The following MORN1 variants were observed in gnomAD, a reference collection of about 807,000 sequenced individuals.
MORN1 encodes MORN repeat containing 1.
A neutral mutation model predicts 61.9 loss-of-function variants in MORN1; 67 were observed. The ratio of observed to expected loss-of-function variants is 1.08; its 90% CI spans 0.89 to 1.33. MORN1 has a LOEUF of 1.33. MORN1 is among the 40% of genes most tolerant of loss of function. The pLI, the probability that MORN1 is intolerant of heterozygous loss-of-function variation, is 0.00. For missense variants in MORN1, 752 were observed against 691.2 expected, an observed-to-expected ratio of 1.09 and a Z score of -0.99; for synonymous variants, 301 against 292.0, an observed-to-expected ratio of 1.03 and a Z score of -0.31.
At chr1:2,354,985 T>G (rs1429239674) in intron 10 of MORN1, among the ~76,000 whole-genome samples, 3 of 152,172 alleles carry the variant, frequency 2.0e-5, no homozygotes, top group Non-Finnish European at 4.4e-5. Flanking sequence ...GACACTCACA[T>G]CATCGTCAAG....
intron 10 of MORN1, among the ~76,000 whole-genome samples, chr1:2,348,896 T>G (rs2100284989): frequency 6.8e-6 from 1 of 147,538 alleles, no homozygotes; most frequent in East Asian, 2.0e-4. Context: ...TACGCAGACA[T>G]GCACACAAAC....
In MORN1 at chr1:2,358,593, A is replaced by G. The variant is rs562553133; in HGVS notation, c.868T>C (p.Phe290Leu). The G allele has an allele frequency of 1.1e-5, 18 of 1,614,086 alleles. No homozygotes were observed. In the African/African-American group the frequency reaches 1.2e-4, roughly 11 times the overall value. Residue 290 changes from phenylalanine to leucine, a missense_variant and splice_region_variant, in exon 9 of 14, where the codon TTT becomes CTT. Transcript: ENST00000378531. ...DNQETLIQTP[F>L]GFECIPYPVS... ...CTCATTGGTGTCACACGTACTCACA[A>G]TGGGGTCTGGATGAGTGTCTCTTGG... is the stretch of plus-strand genomic sequence containing the variant.
rs1049922387 is a variant in MORN1, at chr1:2,387,415, A to G, written c.358+4T>C. On this transcript the variant is annotated splice_donor_region_variant and intron_variant, in intron 4 of 13. Transcript: ENST00000378531. ...ACAGCACCCGGCTCCTGTGGGCGCC[A>G]GACCTTCCCGCATGCCGTGGGAGAC... The G allele has an allele frequency of 1.9e-6, 3 of 1,610,724 alleles. No individual in the cohort carries two copies. The highest frequency in any genetic ancestry group is 2.5e-6 in the Non-Finnish European group (3 of 1,178,132).
At chr1:2,329,151 G>A (rs1641095511) in intron 12 of MORN1, among the ~76,000 whole-genome samples, 1 of 152,152 alleles carries the variant, frequency 6.6e-6, no homozygotes, top group Admixed American at 6.5e-5. Context: ...CCTTGCCGGT[G>A]TGGGTGTGCG....
intron 10 of MORN1, among the ~76,000 whole-genome samples, chr1:2,342,768 C>A (rs1164473608): frequency 6.6e-6 from 1 of 152,116 alleles, no homozygotes; most frequent in Non-Finnish European, 1.5e-5. Context: ...CCAGCATGGG[C>A]CCTAGCACTG....
chr1:2,348,653 A>ACACACGCACCTGCGCAGGCACG (rs1641570631), intron 10 of MORN1, among the ~76,000 whole-genome samples: 1 of 151,244 alleles, frequency 6.6e-6, no homozygotes, highest in Non-Finnish European at 1.5e-5. Context: ...GCAGGCACGC[A>ACACACGCACCTGCGCAGGCACG]CACACGCACG....
chr1:2,321,374 C>A lies in MORN1; in HGVS notation c.*9G>T. The A allele has an allele frequency of 2.0e-6, 3 of 1,502,258 alleles. No homozygotes were observed. Among genetic ancestry groups the A allele is most frequent in the South Asian group, 2.5e-5 (2 of 78,636 alleles). The allele number at this position is 1,502,258 out of a possible 1,614,324, so 93.1% of individuals were successfully genotyped here. A position where few individuals can be genotyped will look rare whatever the true frequency, so the allele number is the denominator to read the frequency against. On this transcript the variant is annotated 3_prime_UTR_variant, in exon 14 of 14. Transcript: ENST00000378531. ...TCACACCGAGGTGGCCTCCTGTGGA[C>A]ACGGGGCCTCACCGAGGCGCTGGCG...
chr1:2,342,867 ATTT>A, intron 10 of MORN1, among the ~76,000 whole-genome samples: 1 of 101,114 alleles, frequency 9.9e-6, no homozygotes, highest in African/African-American at 3.5e-5. Context: ...ATTTTATTTT[ATTT>A]ATTTTATTTT....
At chr1:2,335,327 G>A (rs114580369) in intron 12 of MORN1, among the ~76,000 whole-genome samples, 2,220 of 152,290 alleles carry the variant, frequency 0.015, 52 homozygotes, top group African/African-American at 0.051. Context: ...CACCCCCGGC[G>A]GAAGCAGGAG....
At chr1:2,388,622 T>G (rs1642562752) in intron 2 of MORN1, 2 of 356,242 alleles carry the variant, frequency 5.6e-6, no homozygotes, top group Admixed American at 8.7e-5. Flanking sequence ...TACACAAAAT[T>G]TTAAAAATTA....
At position 2,337,441 on chromosome 1, in the gene MORN1, T is replaced by C. The variant is rs1312004705; in HGVS notation, c.1037-591A>G. Among the ~76,000 whole-genome samples the C allele has an allele frequency of 6.6e-6, 1 of 152,032 alleles. No individual in the cohort carries two copies. Among genetic ancestry groups the C allele is most frequent in the Non-Finnish European group, 1.5e-5 (1 of 67,962 alleles). On this transcript the variant is annotated intron_variant, in intron 10 of 13. Coordinates refer to ENST00000378531, the MANE Select transcript of MORN1 (RefSeq NM_024848.3). This position sits in a 1 kb window ranked among gnomAD's most constrained non-coding sequence, Gnocchi z 5.7. ...TGGGCGGGCTCAGCCTGTGCATCCC[T>C]CAGTGGGACCCCTGCAGGCCCTTGC...
intron 6 of MORN1, chr1:2,376,130 G>A (rs12030560): frequency 0.047 from 7,174 of 152,764 alleles, 274 homozygotes; most frequent in South Asian, 0.15. Context: ...GTTGGAGGCC[G>A]TGGGCACCCT....
chr1:2,354,713 G>A (rs947654623), intron 10 of MORN1, among the ~76,000 whole-genome samples: 28 of 152,192 alleles, frequency 1.8e-4, no homozygotes, highest in African/African-American at 6.3e-4. Flanking sequence ...TCAGTCATCC[G>A]TCCTTGGGGT....
rs2843147 is a variant in MORN1 at position 2,334,442 on chromosome 1, C to T, written c.1250+2027G>A. Among the ~76,000 whole-genome samples, 16,282 of 152,192 alleles carry T rather than the reference C, an allele frequency of 0.11. 1,040 individuals are homozygous for T. The highest frequency in any genetic ancestry group is 0.19 in the Middle Eastern group (56 of 294). On this transcript the variant is annotated intron_variant, in intron 12 of 13. Coordinates refer to ENST00000378531, the MANE Select transcript of MORN1 (RefSeq NM_024848.3). This position sits in a 1 kb window ranked among gnomAD's most constrained non-coding sequence, Gnocchi z 5.4. ...TCAACCCAGGAGCGGGCAGAGCTTA[C>T]GGAGAGTTCCCGATGGGAAAGACTC...
chr1:2,353,482 CG>C (rs1641696049), intron 10 of MORN1, among the ~76,000 whole-genome samples: 1 of 152,220 alleles, frequency 6.6e-6, no homozygotes, highest in African/African-American at 2.4e-5. Flanking sequence ...CCTCCGACCT[CG>C]GGGTGATGCT....
chr1:2,390,085 G>A (rs1217714925), intron 1 of MORN1, 89 bp from the exon 2 acceptor site: 2 of 1,250,328 alleles, frequency 1.6e-6, no homozygotes, highest in Non-Finnish European at 2.3e-6. Flanking sequence ...CAGCTCCCTT[G>A]AGGGCCTTCA....
At position 2,324,079 on chromosome 1, in the gene MORN1, TG is replaced by T; in HGVS notation, c.1297+17del. On this transcript the variant is annotated intron_variant, in intron 13 of 13. Transcript: ENST00000378531. ...ACAGTGGCACAGCCGGCGATGGACT[TG>T]GGCCCTGTCCACCTACCTAGGTGTG... 6.3e-7 allele frequency: 1 copy of T among 1,591,164 alleles called. No homozygotes were observed.
At chr1:2,339,035 C>T (rs1417700472) in intron 10 of MORN1, among the ~76,000 whole-genome samples, 2 of 152,156 alleles carry the variant, frequency 1.3e-5, no homozygotes, top group African/African-American at 2.4e-5. Flanking sequence ...GGGTTTGACA[C>T]GTGGGGTCCC....
intron 13 of MORN1, chr1:2,322,123 C>T: frequency 2.0e-6 from 2 of 985,416 alleles, no homozygotes; most frequent in Non-Finnish European, 2.4e-6. Context: ...GGAGGGCGGC[C>T]CTGCTGGGGG....
Sources: gnomAD v4.1 joint callset for allele counts (sites outside exome capture counted in the v4.1 genomes callset) on GRCh38, gnomAD v4.1.1 for gene constraint, Gnocchi (gnomAD v3.1) non-coding constraint, MANE v1.5 for transcripts, NCBI Gene and HGNC (gene_info 2026-07-23, HGNC 2026-07-21) for gene names.